Variants in IPO7 observed in about 807,000 individuals in gnomAD.
IPO7 encodes importin-7.
Under a neutral mutation model 136.4 loss-of-function variants are expected in IPO7, and 13 were observed. The observed-to-expected ratio is 0.10, with a 90% CI of 0.06 to 0.15. The LOEUF (loss-of-function observed/expected upper bound fraction) is 0.15. Ranked by LOEUF, IPO7 falls within the 10% of genes least tolerant of loss-of-function variation. The pLI is 1.00. For missense variants in IPO7, 857 were observed against 1,240.6 expected, an observed-to-expected ratio of 0.69 and a Z score of 4.65; for synonymous variants, 403 against 404.4, an observed-to-expected ratio of 1.00 and a Z score of 0.04.
chr11:9,424,800 A>G, intron 10 of IPO7, 114 bp from the exon 11 acceptor site: 1 of 715,640 alleles, frequency 1.4e-6, no homozygotes, highest in Non-Finnish European at 2.4e-6. Context: ...CTTTTGCAAA[A>G]TTATAAAGGG....
At chr11:9,392,035 G>GT (rs971246344) in intron 1 of IPO7, among the ~76,000 whole-genome samples, 7 of 152,098 alleles carry the variant, frequency 4.6e-5, no homozygotes, top group East Asian at 1.9e-4. Flanking sequence ...GCTTATTACT[G>GT]TTTTTTTAAC....
rs1854827598 is a variant in IPO7, at chr11:9,403,275, T to C, written c.85-15T>C. On this transcript the variant is annotated splice_polypyrimidine_tract_variant and intron_variant, in intron 1 of 24. Transcript: ENST00000379719. ...TTATTTGCAGAAGTTTAAAATGGAC[T>C]TTTTTTCTTTGTAGGCACACAAGTC... 1 of 1,588,102 alleles carries C rather than the reference T, an allele frequency of 6.3e-7. No homozygotes were observed. Among genetic ancestry groups the C allele is most frequent in the Non-Finnish European group, 8.6e-7 (1 of 1,157,350 alleles).
intron 7 of IPO7, 40 bp from the exon 8 acceptor site, chr11:9,420,574 G>A (rs1230030413): frequency 6.4e-7 from 1 of 1,566,078 alleles, no homozygotes; most frequent in Non-Finnish European, 8.8e-7. Flanking sequence ...CTAGCATAAA[G>A]CATTATAAAG....
At chr11:9,397,078 C>T (rs1272761575) in intron 1 of IPO7, among the ~76,000 whole-genome samples, 3 of 151,216 alleles carry the variant, frequency 2.0e-5, no homozygotes, top group Non-Finnish European at 4.4e-5. Context: ...CTTAACACAC[C>T]TAATGTTGCT....
At position 9,436,261 on chromosome 11, in the gene IPO7, T is replaced by C; in HGVS notation, c.2173-10T>C. The C allele has an allele frequency of 6.9e-6, 11 of 1,597,564 alleles. No homozygotes were observed. Among genetic ancestry groups the C allele is most frequent in the Non-Finnish European group, 9.4e-6 (11 of 1,165,276 alleles). On this transcript the variant is annotated splice_polypyrimidine_tract_variant and intron_variant, in intron 19 of 24. Transcript: ENST00000379719. The stretch of plus-strand genomic sequence containing the variant: ...AAGCCTTACTGCAATTTATATTCTG[T>C]TTTGATCAGGTTCTTACAGGAGTTG...
intron 1 of IPO7, among the ~76,000 whole-genome samples, chr11:9,393,439 GCA>G (rs911035098): frequency 3.3e-5 from 5 of 152,126 alleles, no homozygotes; most frequent in African/African-American, 1.2e-4. Context: ...GAGTGCAGTG[GCA>G]CAGTGACAGC....
chr11:9,385,732 T>G (rs1026458046), intron 1 of IPO7, among the ~76,000 whole-genome samples: 2 of 152,204 alleles, frequency 1.3e-5, no homozygotes, highest in Non-Finnish European at 2.9e-5. Context: ...AAGGTTTTTT[T>G]TTTCCCCCAT....
rs746207085 is a variant in IPO7 at position 9,442,122 on chromosome 11, C to A, written c.2944C>A (p.His982Asn). The change falls in exon 24 of 25, where the codon CAC becomes AAC. Residue 982 changes from histidine to asparagine, a missense_variant. Transcript: ENST00000379719. Reference sequence around the variant, plus strand: ...TCCTGTGTGGTATCAGGCACTGACTCACGGTCTTAATGAAGAACAAAGAAA... The same window carrying A: ...TCCTGTGTGGTATCAGGCACTGACTAACGGTCTTAATGAAGAACAAAGAAA... ...RNPVWYQALT[H>N]GLNEEQRKQL... The A allele has an allele frequency of 3.7e-6, 6 of 1,607,868 alleles. No homozygotes were observed. The highest frequency in any genetic ancestry group is 1.7e-5 in the Admixed American group (1 of 59,928).
chr11:9,423,310 T>TGA (rs1855159809), intron 9 of IPO7, among the ~76,000 whole-genome samples, 170 bp downstream of exon 9: 1 of 152,224 alleles, frequency 6.6e-6, no homozygotes, highest in Non-Finnish European at 1.5e-5. Flanking sequence ...CATAAAGTTA[T>TGA]GAGAGGTATC....
At chr11:9,401,561 TA>T (rs11330854) in intron 1 of IPO7, among the ~76,000 whole-genome samples, 76,745 of 139,838 alleles carry the variant, frequency 0.55, 20,481 homozygotes, top group Middle Eastern at 0.6. Flanking sequence ...AACAAAAAAT[TA>T]AAAAAAAAAA....
chr11:9,394,956 A>G (rs896353033), intron 1 of IPO7, among the ~76,000 whole-genome samples: 1 of 152,296 alleles, frequency 6.6e-6, no homozygotes, highest in African/African-American at 2.4e-5. Context: ...GAGTATTAGG[A>G]GTTTTAGCCC....
chr11:9,445,265 C>T lies in IPO7; in HGVS notation c.*71C>T. 2 of 948,342 alleles carry T rather than the reference C, an allele frequency of 2.1e-6. No individual in the cohort carries two copies. The highest frequency in any genetic ancestry group is 2.6e-5 in the South Asian group (2 of 76,142). The allele number at this position is 948,342 out of a possible 1,614,324, so 58.7% of individuals were successfully genotyped here. A position where few individuals can be genotyped will look rare whatever the true frequency, so the allele number is the denominator to read the frequency against. The stretch of plus-strand genomic sequence containing the variant: ...GTTCCTCCTAGTAGTGGTTCCAGAA[C>T]TGGTTCATGTTATCTATTCTAAACT... On this transcript the variant is annotated 3_prime_UTR_variant, in exon 25 of 25. Transcript: ENST00000379719.
rs11042352 is a variant in IPO7 at position 9,437,895 on chromosome 11, C to T, written c.2410C>T (p.Leu804Phe). ...CCTACTACTCAATACCTTAGAAAAT[C>T]TTCGCTTCCCTAATAATGTTGAACC... The part of the protein sequence containing the change: ...PHLLLNTLEN[L>F]RFPNNVEPVT... Residue 804 changes from leucine to phenylalanine, a missense_variant, in exon 21 of 25, where the codon CTT (leucine) becomes TTT (phenylalanine). Leu to Phe is a conservative substitution (Grantham distance 22). Around this residue, in one of 11 missense-constraint regions of IPO7, gnomAD observed 190 missense variants for 249.0 expected, o/e 0.76. Transcript: ENST00000379719. 1 of 1,613,920 alleles carries T rather than the reference C, an allele frequency of 6.2e-7. No homozygotes were observed. Among genetic ancestry groups the T allele is most frequent in the Non-Finnish European group, 8.5e-7 (1 of 1,179,856 alleles).
In IPO7 at chr11:9,420,635, T is replaced by C. The variant is rs1339263926; in HGVS notation, c.843T>C (p.Val281=). 2 of 1,613,172 alleles carry C rather than the reference T, an allele frequency of 1.2e-6. No individual in the cohort carries two copies. The highest frequency in any genetic ancestry group is 4.5e-5 in the East Asian group (2 of 44,848). Residue 281 remains valine, a synonymous_variant, in exon 8 of 25, where the codon GTT becomes GTC. Transcript: ENST00000379719. The part of the protein sequence containing the change: ...LFERYGSPGN[V]SKEYNEFAEV... ...TTAGATATGGAAGCCCTGGCAATGT[T>C]TCCAAGGAGTATAATGAATTTGCTG...
In IPO7 at chr11:9,442,240, A is replaced by G. The variant is rs377157306; in HGVS notation, c.3019+43A>G. On this transcript the variant is annotated intron_variant, in intron 24 of 24. Coordinates refer to ENST00000379719, the MANE Select transcript of IPO7 (RefSeq NM_006391.3). Reference sequence around the variant, plus strand: ...AACTCCTCTTTAATTAGTGACTTTTATAGGTTTAAAATTTTATATCGTTTA... The same window carrying G: ...AACTCCTCTTTAATTAGTGACTTTTGTAGGTTTAAAATTTTATATCGTTTA... 6 of 848,624 alleles carry G rather than the reference A, an allele frequency of 7.1e-6. No homozygotes were observed. In the South Asian group the frequency reaches 8.9e-5, roughly 13 times the overall value. 52.6% of individuals were successfully genotyped at this position (848,624 alleles called of 1,614,324 possible). A position where few individuals can be genotyped will look rare whatever the true frequency, so the allele number is the denominator to read the frequency against.
At chr11:9,414,135 C>CT (rs1855006554) in intron 4 of IPO7, 120 bp from the exon 5 acceptor site, 1 of 673,124 alleles carries the variant, frequency 1.5e-6, no homozygotes, top group African/African-American at 1.9e-5. Context: ...AGATATTTTT[C>CT]TTTTTCTAAA....
chr11:9,423,181 T>C lies in IPO7; in HGVS notation c.1041+41T>C, dbSNP rs766219481. ...TGAAATGTTTTTATAGTAAATATAA[T>C]AGAAATGACATCAATTGCCATAAAG... On this transcript the variant is annotated intron_variant, in intron 9 of 24. Transcript: ENST00000379719. 3.0e-6 allele frequency: 4 copies of C among 1,338,064 alleles called. No individual in the cohort carries two copies. In the East Asian group the frequency reaches 7.1e-5, roughly 24 times the overall value. 82.9% of individuals were successfully genotyped at this position (1,338,064 alleles called of 1,614,324 possible).
At chr11:9,429,945 C>A in intron 15 of IPO7, 111 bp downstream of exon 15, 1 of 676,850 alleles carries the variant, frequency 1.5e-6, no homozygotes, top group Non-Finnish European at 2.4e-6. Context: ...ACCTTTTTGG[C>A]ACCTGGGATC....
chr11:9,411,688 T>G (rs560181382), intron 4 of IPO7, among the ~76,000 whole-genome samples: 1 of 152,344 alleles, frequency 6.6e-6, no homozygotes, highest in Non-Finnish European at 1.5e-5. Flanking sequence ...TTAAGGATTT[T>G]CTATGAGTAT....
Sources: gnomAD v4.1 joint callset for allele counts (sites outside exome capture counted in the v4.1 genomes callset) on GRCh38, gnomAD v4.1.1 for gene constraint, gnomAD v4.1.1 regional missense constraint, MANE v1.5 for transcripts, NCBI Gene and HGNC (gene_info 2026-07-23, HGNC 2026-07-21) for gene names.